The following SNX30 variants were observed in gnomAD, a reference collection of about 807,000 sequenced individuals.
SNX30 encodes sorting nexin-30.
A neutral mutation model predicts 46.4 loss-of-function variants in SNX30; 24 were observed. The observed-to-expected ratio is 0.52, with a 90% CI of 0.37 to 0.73. SNX30 has a LOEUF of 0.73. Among genes scored for constraint, SNX30 ranks in the 30% least tolerant of loss-of-function variants. The pLI, the probability that SNX30 is intolerant of heterozygous loss-of-function variation, is 0.00. For synonymous variants in SNX30, 189 were observed against 211.5 expected (o/e 0.89, Z 0.92); for missense variants, 533 against 555.7 (o/e 0.96, Z 0.41).
At chr9:112,781,799 T>A (rs1313705631) in intron 1 of SNX30, among the ~76,000 whole-genome samples, 1 of 129,430 alleles carries the variant, frequency 7.7e-6, no homozygotes, top group Non-Finnish European at 1.6e-5. Flanking sequence ...GCTTGGCTAA[T>A]TTTTTTTTTT....
At chr9:112,832,641 G>T (rs1338911517) in intron 4 of SNX30, among the ~76,000 whole-genome samples, 3 of 134,524 alleles carry the variant, frequency 2.2e-5, no homozygotes. Flanking sequence ...TTGGGGGAGG[G>T]GGGAGGGATA....
chr9:112,813,242 T>G (rs1840346319), intron 2 of SNX30, among the ~76,000 whole-genome samples: 1 of 151,990 alleles, frequency 6.6e-6, no homozygotes, highest in Non-Finnish European at 1.5e-5. Context: ...GACAGAGGAT[T>G]GCTTAAGGTC....
At position 112,757,695 on chromosome 9, in the gene SNX30, G is replaced by A. The variant is rs550991663; in HGVS notation, c.156+6538G>A. Among the ~76,000 whole-genome samples, 3 of 152,204 alleles carry A rather than the reference G, an allele frequency of 2.0e-5. No homozygotes were observed. The East Asian group carries it at 5.8e-4, about 29-fold the overall frequency. On this transcript the variant is annotated intron_variant, in intron 1 of 8. Transcript: ENST00000374232. The stretch of plus-strand genomic sequence containing the variant: ...CCGTCCTGGCTTTCCAGGTCTCTGA[G>A]TCATTAACAACTGACTATACCTGTT...
intron 1 of SNX30, among the ~76,000 whole-genome samples, chr9:112,794,442 C>T (rs527549711): frequency 3.2e-4 from 49 of 152,260 alleles, no homozygotes; most frequent in African/African-American, 9.1e-4. Context: ...TGAGCCACTG[C>T]GCGTGGCCAA....
chr9:112,836,495 C>A, intron 5 of SNX30, 86 bp downstream of exon 5: 3 of 1,412,122 alleles, frequency 2.1e-6, no homozygotes, highest in Non-Finnish European at 2.9e-6. Context: ...AATCAAACTG[C>A]AAAATGCTGG....
chr9:112,767,416 C>T (rs7862183), intron 1 of SNX30, among the ~76,000 whole-genome samples: 133,270 of 152,124 alleles, frequency 0.88, 58,532 homozygotes, highest in Middle Eastern at 0.91. Flanking sequence ...TTGTGTCCTT[C>T]GGACAAAACA....
chr9:112,850,380 T>G (rs1382517700), intron 6 of SNX30, among the ~76,000 whole-genome samples: 1 of 152,248 alleles, frequency 6.6e-6, no homozygotes, highest in Non-Finnish European at 1.5e-5. Context: ...AAGTGGCTAA[T>G]GAATGAATCA....
At chr9:112,863,059 C>T (rs1415317612) in intron 7 of SNX30, among the ~76,000 whole-genome samples, 1 of 152,338 alleles carries the variant, frequency 6.6e-6, no homozygotes, top group Admixed American at 6.5e-5. Flanking sequence ...TCTTCCCTGA[C>T]TCCTGTGTTC....
intron 2 of SNX30, among the ~76,000 whole-genome samples, chr9:112,805,732 G>T (rs1326357456): frequency 1.3e-5 from 2 of 152,172 alleles, no homozygotes; most frequent in Non-Finnish European, 2.9e-5. Flanking sequence ...GCCTCCCAAA[G>T]TGCTGGGATT....
chr9:112,864,042 G>C (rs1346352651), intron 7 of SNX30, among the ~76,000 whole-genome samples: 3 of 152,218 alleles, frequency 2.0e-5, no homozygotes, highest in Non-Finnish European at 4.4e-5. Context: ...TGAAGATCTG[G>C]GTTAGGAGAG....
rs1313993114 is a variant in SNX30 at position 112,830,709 on chromosome 9, C to T, written c.460-16C>T. On this transcript the variant is annotated splice_polypyrimidine_tract_variant and intron_variant, in intron 3 of 8. Transcript: ENST00000374232. ...TCTCATCAATTACTCTGGTTTTTTT[C>T]TTCATGTCTTCATAGCCTCTTCCCG... 5 of 1,594,902 alleles carry T rather than the reference C, an allele frequency of 3.1e-6. No individual in the cohort carries two copies. The highest frequency in any genetic ancestry group is 1.8e-5 in the Admixed American group (1 of 54,828).
chr9:112,855,145 C>T (rs1423641009), intron 7 of SNX30, among the ~76,000 whole-genome samples: 1 of 152,218 alleles, frequency 6.6e-6, no homozygotes, highest in African/African-American at 2.4e-5. Flanking sequence ...AGGAAATGAG[C>T]AACTTAAGGT....
chr9:112,881,936 G>T (rs564127184), downstream of SNX30, among the ~76,000 whole-genome samples: 2 of 152,302 alleles, frequency 1.3e-5, no homozygotes, highest in Admixed American at 1.3e-4. Flanking sequence ...ACAACTAGTT[G>T]GGTGGGAAAA....
chr9:112,808,221 A>T (rs924623463), intron 2 of SNX30, among the ~76,000 whole-genome samples: 4 of 152,234 alleles, frequency 2.6e-5, no homozygotes, highest in African/African-American at 9.6e-5. Flanking sequence ...AGGTCCTCAA[A>T]CGAAGTTAAT....
Position 112,768,647 on chromosome 9 carries a change from C to CTTCTTCTTCTTTTTTTT in SNX30, c.156+17492_156+17493insCTTCTTCTTTTTTTTTT, listed in dbSNP as rs1554748345. On this transcript the variant is annotated intron_variant, in intron 1 of 8. Coordinates refer to ENST00000374232, the MANE Select transcript of SNX30 (RefSeq NM_001012994.2). ...AAGTTTCTCTAGATAATTCTTTCTT[C>CTTCTTCTTCTTTTTTTT]TTTTTTTTTTTTTTTTTTTTTTTTT... Among the ~76,000 whole-genome samples the CTTCTTCTTCTTTTTTTT allele has an allele frequency of 7.8e-5, 5 of 64,366 alleles. 2 individuals are homozygous for CTTCTTCTTCTTTTTTTT. Among genetic ancestry groups the CTTCTTCTTCTTTTTTTT allele is most frequent in the African/African-American group, 1.6e-4 (3 of 18,760 alleles). The allele number at this position is 64,366 out of a possible 152,430, so 42.2% of individuals were successfully genotyped here.
chr9:112,847,091 A>G (rs1289822538), intron 6 of SNX30, among the ~76,000 whole-genome samples: 1 of 152,212 alleles, frequency 6.6e-6, no homozygotes, highest in Non-Finnish European at 1.5e-5. Flanking sequence ...TTTGATTAGT[A>G]TTTCGTGGAT....
At chr9:112,769,788 A>G (rs1159150015) in intron 1 of SNX30, among the ~76,000 whole-genome samples, 3 of 152,120 alleles carry the variant, frequency 2.0e-5, no homozygotes, top group Admixed American at 6.5e-5. Context: ...CCTGAATTCC[A>G]AATTCCTGTC....
intron 1 of SNX30, among the ~76,000 whole-genome samples, chr9:112,771,415 A>G (rs1839646708): frequency 6.6e-6 from 1 of 152,234 alleles, no homozygotes; most frequent in South Asian, 2.1e-4. Flanking sequence ...AGCCCTGTAT[A>G]TACTTATATG....
chr9:112,791,388 A>G (rs1466935714), intron 1 of SNX30, among the ~76,000 whole-genome samples: 1 of 113,190 alleles, frequency 8.8e-6, no homozygotes, highest in Admixed American at 9.3e-5. Context: ...ACTTTTAAAC[A>G]TATTTAGGAA....
Sources: allele counts gnomAD v4.1 joint callset (sites outside exome capture counted in the v4.1 genomes callset), GRCh38; gene constraint gnomAD v4.1.1; transcripts MANE v1.5; gene names NCBI Gene and HGNC (gene_info 2026-07-23, HGNC 2026-07-21).